The following FAM3C variants were observed in gnomAD, a reference collection of about 807,000 sequenced individuals.
FAM3C encodes the protein FAM3 metabolism regulating signaling molecule C.
In FAM3C, 15 loss-of-function variants were observed where a neutral mutation model predicts 32.5. The observed-to-expected ratio is 0.46, with a 90% CI of 0.31 to 0.71. The LOEUF is 0.71. Ranked by LOEUF, FAM3C falls within the 30% of genes least tolerant of loss-of-function variation. FAM3C has a pLI of 0.05. For synonymous variants in FAM3C, 75 were observed against 86.1 expected (o/e 0.87, Z 0.72); for missense variants, 175 against 274.4 (o/e 0.64, Z 2.56).
chr7:121,376,057 A>G (rs918067091), intron 3 of FAM3C, among the ~76,000 whole-genome samples: 2 of 152,212 alleles, frequency 1.3e-5, no homozygotes, highest in Non-Finnish European at 2.9e-5. Flanking sequence ...TATGCCTTCA[A>G]TATGGTTTCC....
At chr7:121,362,790 T>C (rs1793951504) in intron 7 of FAM3C, 107 bp downstream of exon 7, 3 of 692,838 alleles carry the variant, frequency 4.3e-6, no homozygotes, top group African/African-American at 1.9e-5. Flanking sequence ...GGAAACAAAA[T>C]GAACTAACGC....
intron 2 of FAM3C, among the ~76,000 whole-genome samples, chr7:121,380,609 T>C (rs1161617471): frequency 6.6e-6 from 1 of 151,904 alleles, no homozygotes; most frequent in Non-Finnish European, 1.5e-5. Flanking sequence ...CTATGCTTAC[T>C]ACCTGGATGA....
chr7:121,378,711 A>ACTAG (rs1794290010), intron 3 of FAM3C, among the ~76,000 whole-genome samples, 199 bp downstream of exon 3: 2 of 110,224 alleles, frequency 1.8e-5, no homozygotes, highest in South Asian at 2.7e-4. Flanking sequence ...CAAAATGTTG[A>ACTAG]ATAGAAGATT....
intron 1 of FAM3C, among the ~76,000 whole-genome samples, chr7:121,389,123 A>T (rs1216191726): frequency 6.6e-6 from 1 of 152,206 alleles, no homozygotes; most frequent in Non-Finnish European, 1.5e-5. Context: ...CATCTAGGCC[A>T]ACTTTTACCC....
chr7:121,353,357 G>C (rs931204331), intron 8 of FAM3C, among the ~76,000 whole-genome samples: 1 of 152,150 alleles, frequency 6.6e-6, no homozygotes, highest in Non-Finnish European at 1.5e-5. Flanking sequence ...TCAAGCCAGA[G>C]ATCAAGGAGA....
intron 8 of FAM3C, among the ~76,000 whole-genome samples, chr7:121,353,144 T>C (rs764918813): frequency 8.5e-5 from 13 of 152,208 alleles, no homozygotes; most frequent in Non-Finnish European, 1.6e-4. Context: ...GTTAAGAGAT[T>C]GCTTTACACA....
At chr7:121,385,456 T>C (rs768261850) in intron 1 of FAM3C, among the ~76,000 whole-genome samples, 35 of 152,172 alleles carry the variant, frequency 2.3e-4, no homozygotes, top group Non-Finnish European at 4.3e-4. Flanking sequence ...AATGAAACAC[T>C]GCAGCTGGAA....
intron 8 of FAM3C, 46 bp from the exon 9 acceptor site, chr7:121,351,315 T>C (rs1213852405): frequency 1.3e-6 from 2 of 1,578,048 alleles, no homozygotes; most frequent in African/African-American, 1.3e-5. Flanking sequence ...GAGGGAACTG[T>C]ATGCTAATAC....
chr7:121,359,817 T>TA (rs748995907), intron 8 of FAM3C, among the ~76,000 whole-genome samples: 1 of 151,968 alleles, frequency 6.6e-6, no homozygotes, highest in Non-Finnish European at 1.5e-5. Flanking sequence ...CATAAAAGTA[T>TA]AAAAAATGTT....
At chr7:121,364,400 A>G in intron 5 of FAM3C, 1 of 456,152 alleles carries the variant, frequency 2.2e-6, no homozygotes, top group East Asian at 3.6e-5. Flanking sequence ...TATTTCACAA[A>G]TAGAAATACA....
intron 8 of FAM3C, 137 bp from the exon 9 acceptor site, chr7:121,351,406 T>C: frequency 1.3e-6 from 1 of 753,680 alleles, no homozygotes; most frequent in Non-Finnish European, 1.9e-6. Context: ...TAATTTTTTT[T>C]CAGAGTTACA....
At chr7:121,382,471 A>G (rs1019287799) in intron 2 of FAM3C, among the ~76,000 whole-genome samples, 5 of 152,198 alleles carry the variant, frequency 3.3e-5, no homozygotes, top group Admixed American at 6.5e-5. Context: ...TCAAGACGCT[A>G]GAACATAGCA....
chr7:121,392,294 C>T (rs1794592180), intron 1 of FAM3C, among the ~76,000 whole-genome samples: 1 of 152,146 alleles, frequency 6.6e-6, no homozygotes, highest in South Asian at 2.1e-4. Context: ...ACTCACAGTC[C>T]CACATGGCTG....
At chr7:121,359,140 A>T (rs760081754) in intron 8 of FAM3C, among the ~76,000 whole-genome samples, 20 of 152,118 alleles carry the variant, frequency 1.3e-4, no homozygotes, top group African/African-American at 3.6e-4. Context: ...AAAAATTTTT[A>T]AAATCCATTT....
intron 2 of FAM3C, among the ~76,000 whole-genome samples, chr7:121,381,485 C>T (rs1389317141): frequency 1.3e-5 from 2 of 151,924 alleles, no homozygotes; most frequent in African/African-American, 4.8e-5. Context: ...ATTGTCAGAA[C>T]CAGAGAAATG....
chr7:121,368,972 G>GTTTTTTTTTTT (rs563834740), intron 5 of FAM3C, among the ~76,000 whole-genome samples: 1 of 96,200 alleles, frequency 1.0e-5, no homozygotes, highest in Non-Finnish European at 2.0e-5. Flanking sequence ...TGTTGTTGTT[G>GTTTTTTTTTTT]TTTTTTTTTT....
At chr7:121,357,956 G>A (rs1322225556) in intron 8 of FAM3C, among the ~76,000 whole-genome samples, 1 of 152,112 alleles carries the variant, frequency 6.6e-6, no homozygotes, top group Non-Finnish European at 1.5e-5. Flanking sequence ...AGTCAGAAAA[G>A]TGGGGCCTTT....
At chr7:121,364,506 T>C in intron 5 of FAM3C, 1 of 236,632 alleles carries the variant, frequency 4.2e-6, no homozygotes, top group Non-Finnish European at 8.1e-6. Context: ...ATGTTCTGCA[T>C]CATTCTTAAG....
intron 9 of FAM3C, 86 bp from the exon 10 acceptor site, chr7:121,350,636 A>C: frequency 7.6e-7 from 1 of 1,323,344 alleles, no homozygotes; most frequent in Non-Finnish European, 1.1e-6. Context: ...TTCTCATTTC[A>C]GTAATACTCA....
Sources: allele counts gnomAD v4.1 joint callset (sites outside exome capture counted in the v4.1 genomes callset), GRCh38; gene constraint gnomAD v4.1.1; transcripts MANE v1.5; gene names NCBI Gene and HGNC (gene_info 2026-07-23, HGNC 2026-07-21).